Variants in GABRB2 observed in about 807,000 individuals in gnomAD.
GABRB2 encodes the protein gamma-aminobutyric acid type A receptor subunit beta2.
GABRB2 carries 16 observed loss-of-function variants against 54.7 expected under a neutral mutation model. The observed-to-expected ratio is 0.29, with a 90% CI of 0.20 to 0.44. The LOEUF (loss-of-function observed/expected upper bound fraction) is 0.44. Ranked by LOEUF, GABRB2 falls within the 20% of genes least tolerant of loss-of-function variation. The pLI, the probability that GABRB2 is intolerant of heterozygous loss-of-function variation, is 1.00. For synonymous variants in GABRB2, 244 were observed against 233.8 expected, an observed-to-expected ratio of 1.04 and a Z score of -0.40; for missense variants, 355 against 644.0, an observed-to-expected ratio of 0.55 and a Z score of 4.86.
At chr5:161,500,463 G>A (rs754632225) in intron 3 of GABRB2, among the ~76,000 whole-genome samples, 1 of 152,066 alleles carries the variant, frequency 6.6e-6, no homozygotes, top group Non-Finnish European at 1.5e-5. Flanking sequence ...TGTATATTAA[G>A]TGCCTATTAT....
intron 3 of GABRB2, among the ~76,000 whole-genome samples, chr5:161,526,442 G>A (rs2113444069): frequency 6.6e-6 from 1 of 151,524 alleles, no homozygotes; most frequent in Non-Finnish European, 1.5e-5. Flanking sequence ...GTTTTATTCT[G>A]AGTGTAGATG....
chr5:161,336,664 T>C lies in GABRB2; in HGVS notation c.647A>G (p.Lys216Arg). The C allele has an allele frequency of 6.2e-7, 1 of 1,613,516 alleles. No individual in the cohort carries two copies. Among genetic ancestry groups the C allele is most frequent in the East Asian group, 2.2e-5 (1 of 44,856 alleles). The change falls in exon 6 of 10, where the codon AAA becomes AGA. Residue 216 changes from lysine to arginine, a missense_variant. Physicochemically the swap from Lys to Arg is conservative, Grantham distance 26. Transcript: ENST00000393959. ...ELPQFSIVDY[K>R]LITKKVVFST... ...AAAAACAACCTTCTTGGTGATAAGT[T>C]TGTAATCTACAATAGAGAACTGTGG...
intron 3 of GABRB2, among the ~76,000 whole-genome samples, chr5:161,472,970 A>T (rs990001009): frequency 6.6e-6 from 1 of 152,050 alleles, no homozygotes. Context: ...GAATATAAGC[A>T]TAAAGTTATT....
At chr5:161,466,574 A>C (rs1295828973) in intron 3 of GABRB2, among the ~76,000 whole-genome samples, 1 of 152,090 alleles carries the variant, frequency 6.6e-6, no homozygotes, top group Non-Finnish European at 1.5e-5. Flanking sequence ...TTAGAAAGTG[A>C]GAAGTATCCC....
intron 9 of GABRB2, among the ~76,000 whole-genome samples, chr5:161,306,698 G>A (rs1757700404): frequency 1.3e-5 from 2 of 151,948 alleles, no homozygotes. Flanking sequence ...AGTTGGATGG[G>A]GAGGGTACAT....
At chr5:161,446,807 C>T (rs1189366305) in intron 4 of GABRB2, among the ~76,000 whole-genome samples, 1 of 152,094 alleles carries the variant, frequency 6.6e-6, no homozygotes, top group Non-Finnish European at 1.5e-5. Flanking sequence ...TTGGCTCTTA[C>T]TTAGCCTATC....
chr5:161,478,846 CA>C (rs1205577238), intron 3 of GABRB2, among the ~76,000 whole-genome samples: 2 of 151,948 alleles, frequency 1.3e-5, no homozygotes, highest in Non-Finnish European at 2.9e-5. Flanking sequence ...CAGAGAGAGA[CA>C]AAAAGTGCTA....
chr5:161,463,555 T>TATATATATA lies in GABRB2; in HGVS notation c.238-3712_238-3711insTATATATAT, dbSNP rs1236064276. Among the ~76,000 whole-genome samples, 23 of 23,664 alleles carry TATATATATA rather than the reference T, an allele frequency of 9.7e-4. 1 individual carries two copies. Among genetic ancestry groups the TATATATATA allele is most frequent in the Non-Finnish European group, 1.2e-3 (17 of 14,028 alleles). 15.5% of individuals were successfully genotyped at this position (23,664 alleles called of 152,430 possible). A position where few individuals can be genotyped will look rare whatever the true frequency, so the allele number is the denominator to read the frequency against. ...ACAAGGTGATTCCAAATATTTTTATTTATATATATATATATATATATATAT... is the reference window on the plus strand; with the variant it reads ...ACAAGGTGATTCCAAATATTTTTATTATATATATATATATATATATATATATATATATAT... On this transcript the variant is annotated intron_variant, in intron 3 of 9. Coordinates refer to ENST00000393959, the MANE Select transcript of GABRB2 (RefSeq NM_001371727.1).
intron 9 of GABRB2, among the ~76,000 whole-genome samples, chr5:161,309,061 G>A (rs184523918): frequency 2.4e-4 from 37 of 152,206 alleles, no homozygotes; most frequent in Non-Finnish European, 4.0e-4. Context: ...ACTATCAACA[G>A]AGTAAACAAC....
chr5:161,491,659 C>G (rs1163860788), intron 3 of GABRB2, among the ~76,000 whole-genome samples: 5 of 151,460 alleles, frequency 3.3e-5, no homozygotes, highest in African/African-American at 1.2e-4. Context: ...ACCTTCAAAA[C>G]CAAGAAGGAT....
At chr5:161,333,544 G>C (rs566779724) in intron 7 of GABRB2, among the ~76,000 whole-genome samples, 1 of 152,244 alleles carries the variant, frequency 6.6e-6, no homozygotes, top group Non-Finnish European at 1.5e-5. Flanking sequence ...ATCAAATCAT[G>C]CCACTTTTAT....
chr5:161,297,429 C>T (rs774647609), intron 9 of GABRB2, among the ~76,000 whole-genome samples: 10 of 152,104 alleles, frequency 6.6e-5, no homozygotes, highest in Non-Finnish European at 1.2e-4. Context: ...CTATCCCTCC[C>T]CTAGTCCCCC....
intron 3 of GABRB2, among the ~76,000 whole-genome samples, chr5:161,472,949 G>A (rs1758488839): frequency 6.6e-6 from 1 of 151,826 alleles, no homozygotes; most frequent in South Asian, 2.1e-4. Flanking sequence ...GTTCAACATG[G>A]ACATAGTAGA....
intron 3 of GABRB2, among the ~76,000 whole-genome samples, chr5:161,468,446 T>C (rs1410409564): frequency 1.3e-5 from 2 of 152,056 alleles, no homozygotes; most frequent in African/African-American, 2.4e-5. Flanking sequence ...TGACAGGCTA[T>C]GTCCCCAAGC....
At chr5:161,335,029 T>C in intron 6 of GABRB2, 125 bp from the exon 7 acceptor site, 1 of 947,064 alleles carries the variant, frequency 1.1e-6, no homozygotes, top group Non-Finnish European at 1.6e-6. Context: ...GGACACTTTC[T>C]TCTGCAAAAG....
intron 3 of GABRB2, among the ~76,000 whole-genome samples, chr5:161,476,091 G>A (rs1401192420): frequency 6.6e-6 from 1 of 151,932 alleles, no homozygotes; most frequent in Non-Finnish European, 1.5e-5. Flanking sequence ...ATTTGGCCAA[G>A]TTGCAGAACA....
chr5:161,524,927 A>G (rs1327472686), intron 3 of GABRB2, among the ~76,000 whole-genome samples: 1 of 151,428 alleles, frequency 6.6e-6, no homozygotes, highest in Non-Finnish European at 1.5e-5. Flanking sequence ...TAGCAAATAT[A>G]TAAGCATGAA....
At chr5:161,377,613 T>C (rs1561628476) in intron 5 of GABRB2, among the ~76,000 whole-genome samples, 1 of 152,280 alleles carries the variant, frequency 6.6e-6, no homozygotes, top group East Asian at 1.9e-4. Flanking sequence ...AGAATTGTTT[T>C]AGATTGCAAC....
At chr5:161,546,258 G>A in intron 2 of GABRB2, 64 bp downstream of exon 2, 1 of 1,294,996 alleles carries the variant, frequency 7.7e-7, no homozygotes, top group South Asian at 1.2e-5. Flanking sequence ...GGAAGAGAGC[G>A]CGCACAAAGC....
Sources: allele counts gnomAD v4.1 joint callset (sites outside exome capture counted in the v4.1 genomes callset), GRCh38; gene constraint gnomAD v4.1.1; transcripts MANE v1.5; gene names NCBI Gene and HGNC (gene_info 2026-07-23, HGNC 2026-07-21).